Variants in MGAT3 observed in about 807,000 individuals in gnomAD.
MGAT3 encodes the protein beta-1,4-mannosyl-glycoprotein 4-beta-N-acetylglucosaminyltransferase, also known as GlcNAc-T III.
A neutral mutation model predicts 29.8 loss-of-function variants in MGAT3; 9 were observed. That is an observed-to-expected ratio of 0.30 (90% CI 0.18 to 0.53). The LOEUF (loss-of-function observed/expected upper bound fraction) is 0.53. MGAT3 is among the 20% of genes least tolerant of loss of function. The pLI is 0.96. For missense variants in MGAT3, 557 were observed against 769.5 expected, an observed-to-expected ratio of 0.72 and a Z score of 3.27; for synonymous variants, 397 against 348.9, an observed-to-expected ratio of 1.14 and a Z score of -1.54.
At chr22:39,467,794 A>G (rs552278055) in intron 1 of MGAT3, among the ~76,000 whole-genome samples, 2 of 144,910 alleles carry the variant, frequency 1.4e-5, no homozygotes, top group South Asian at 2.2e-4. Flanking sequence ...TGCAATGGCA[A>G]TCTCGGCTCA....
Position 39,482,147 on chromosome 22 carries a change from ATTTTT to A in MGAT3, c.-1-5184_-1-5180del, listed in dbSNP as rs11380222. 7.2e-4 allele frequency among the ~76,000 whole-genome samples: 97 copies of A among 134,072 alleles called. 1 individual carries two copies. The highest frequency in any genetic ancestry group is 6.6e-3 in the South Asian group (28 of 4,236). The allele number at this position is 134,072 out of a possible 152,430, so 88.0% of individuals were successfully genotyped here. On this transcript the variant is annotated intron_variant, in intron 1 of 1. Coordinates refer to ENST00000341184, the MANE Select transcript of MGAT3 (RefSeq NM_002409.5). ...CACTGCTAGAAAGTAGGCACTGCTA[ATTTTT>A]TTTTTTTTTTTTTTTGTAGAGACGG...
In MGAT3 at chr22:39,457,916, G is replaced by C. The variant is rs1481258523; in HGVS notation, c.-2+359G>C. ...CGCGGCACCCCCCAGCCTCCGGCGC[G>C]GCTCCCCCACAACCTCCGGCGCGGC... is the stretch of plus-strand genomic sequence containing the variant. On this transcript the variant is annotated intron_variant, in intron 1 of 1. Transcript: ENST00000341184. The surrounding 1 kb of genome is among the most constrained non-coding windows in gnomAD (Gnocchi z 6.8). Among the ~76,000 whole-genome samples the C allele has an allele frequency of 6.6e-6, 1 of 151,564 alleles. No individual in the cohort carries two copies. The highest frequency in any genetic ancestry group is 1.5e-5 in the Non-Finnish European group (1 of 67,838).
chr22:39,486,554 G>A lies in MGAT3; in HGVS notation c.-1-793G>A, dbSNP rs538131992. ...CTCAGTCTGTTGTCCAGGCTGGGGC[G>A]CAGTGGTGCAATCATGGCTCACTGC... On this transcript the variant is annotated intron_variant, in intron 1 of 1. Coordinates refer to ENST00000341184, the MANE Select transcript of MGAT3 (RefSeq NM_002409.5). Among the ~76,000 whole-genome samples, 623 of 152,252 alleles carry A rather than the reference G, an allele frequency of 4.1e-3. 4 individuals carry two copies. The highest frequency in any genetic ancestry group is 0.014 in the African/African-American group (581 of 41,550).
intron 1 of MGAT3, among the ~76,000 whole-genome samples, chr22:39,467,190 C>CA (rs1928673204): frequency 6.6e-6 from 1 of 152,248 alleles, no homozygotes; most frequent in South Asian, 2.1e-4. Context: ...CGAGTGTTGA[C>CA]AGAGTGCCCA....
intron 1 of MGAT3, among the ~76,000 whole-genome samples, chr22:39,481,196 G>C (rs2145723544): frequency 6.6e-6 from 1 of 152,194 alleles, no homozygotes; most frequent in East Asian, 1.9e-4. Context: ...ACTCCTGCCA[G>C]GGCACTGGTT....
intron 1 of MGAT3, among the ~76,000 whole-genome samples, chr22:39,475,212 G>T (rs1928922896): frequency 6.7e-6 from 1 of 149,446 alleles, no homozygotes; most frequent in South Asian, 2.1e-4. Context: ...AAATTGAAAA[G>T]CTGGGAGCAT....
At position 39,487,947 on chromosome 22, in the gene MGAT3, G is replaced by C; in HGVS notation, c.600G>C (p.Val200=). 2 of 1,610,372 alleles carry C rather than the reference G, an allele frequency of 1.2e-6. No homozygotes were observed. Among genetic ancestry groups the C allele is most frequent in the Non-Finnish European group, 1.7e-6 (2 of 1,179,134 alleles). Residue 200 remains valine (V), a synonymous_variant, in exon 2 of 2, where the codon GTG becomes GTC. Coordinates refer to ENST00000341184, the MANE Select transcript of MGAT3 (RefSeq NM_002409.5). This position sits in a 1 kb window ranked among gnomAD's most constrained non-coding sequence, Gnocchi z 5.7. ...YSNLPTKERL[V]PREVPRRVIN... is the part of the protein sequence containing the mutation. ...ACCTGCCCACCAAGGAGCGGCTGGT[G>C]CCCAGGGAGGTGCCGCGCCGCGTCA... is the stretch of plus-strand genomic sequence containing the variant.
intron 1 of MGAT3, among the ~76,000 whole-genome samples, chr22:39,461,680 T>C (rs1928501147): frequency 6.6e-6 from 1 of 152,094 alleles, no homozygotes; most frequent in Non-Finnish European, 1.5e-5. Context: ...CATGACCCCC[T>C]TCCTCTGTGA....
At chr22:39,482,147 ATTTTTTTT>A (rs11380222) in intron 1 of MGAT3, among the ~76,000 whole-genome samples, 2 of 134,100 alleles carry the variant, frequency 1.5e-5, no homozygotes, top group South Asian at 2.3e-4. Flanking sequence ...GGCACTGCTA[ATTTTTTTT>A]TTTTTTTTTT....
rs1252858869 is a variant in MGAT3 at position 39,490,950 on chromosome 22, G to A, written c.*2001G>A. Reference sequence around the variant, plus strand: ...GGATGCAGGGTCTGTCTGTCTGTCTGTCTTTCAGTCTGAGGAATGAGAATC... The same window carrying A: ...GGATGCAGGGTCTGTCTGTCTGTCTATCTTTCAGTCTGAGGAATGAGAATC... On this transcript the variant is annotated 3_prime_UTR_variant, in exon 2 of 2. Coordinates refer to ENST00000341184, the MANE Select transcript of MGAT3 (RefSeq NM_002409.5). 6.0e-6 allele frequency: 1 copy of A among 167,076 alleles called. No individual in the cohort carries two copies. Among genetic ancestry groups the A allele is most frequent in the Non-Finnish European group, 1.5e-5 (1 of 68,150 alleles). The allele number at this position is 167,076 out of a possible 1,614,324, so 10.3% of individuals were successfully genotyped here.
intron 1 of MGAT3, among the ~76,000 whole-genome samples, chr22:39,477,183 G>C (rs1928989273): frequency 6.6e-6 from 1 of 152,230 alleles, no homozygotes. Flanking sequence ...CAGCCCAAAG[G>C]GATTGGAATG....
intron 1 of MGAT3, among the ~76,000 whole-genome samples, chr22:39,478,778 CCT>C (rs1248541880): frequency 6.6e-6 from 1 of 152,244 alleles, no homozygotes; most frequent in Non-Finnish European, 1.5e-5. Flanking sequence ...CCACCTGAGT[CCT>C]GACTATGAGG....
At chr22:39,483,124 C>T (rs1929174607) in intron 1 of MGAT3, among the ~76,000 whole-genome samples, 3 of 152,198 alleles carry the variant, frequency 2.0e-5, no homozygotes, top group Admixed American at 2.0e-4. Context: ...CAGCCCCAGG[C>T]CATGCCTGCC....
intron 1 of MGAT3, among the ~76,000 whole-genome samples, chr22:39,480,833 A>G (rs117086217): frequency 0.016 from 2,392 of 152,310 alleles, 28 homozygotes; most frequent in Non-Finnish European, 0.025. Context: ...GCCTGGGGCC[A>G]CCCAGTGTGC....
In MGAT3 at chr22:39,479,431, C is replaced by A. The variant is rs952862130; in HGVS notation, c.-1-7916C>A. Among the ~76,000 whole-genome samples the A allele has an allele frequency of 4.1e-4, 63 of 152,116 alleles. 1 individual carries two copies. The highest frequency in any genetic ancestry group is 4.1e-3 in the Admixed American group (63 of 15,280). On this transcript the variant is annotated intron_variant, in intron 1 of 1. Coordinates refer to ENST00000341184, the MANE Select transcript of MGAT3 (RefSeq NM_002409.5). ...AGCGGGGTGGGGGTGGAGCCTCAAG[C>A]CCCCCTTTTCTTGGAGTCTCAGGAG... is the stretch of plus-strand genomic sequence containing the variant.
chr22:39,466,991 G>T (rs376854813), intron 1 of MGAT3, among the ~76,000 whole-genome samples: 1 of 152,186 alleles, frequency 6.6e-6, no homozygotes, highest in Non-Finnish European at 1.5e-5. Flanking sequence ...ATTGTGCGCC[G>T]GTGACTGAGC....
intron 1 of MGAT3, among the ~76,000 whole-genome samples, chr22:39,473,193 G>C (rs1334393553): frequency 1.3e-5 from 2 of 152,192 alleles, no homozygotes; most frequent in African/African-American, 4.8e-5. Flanking sequence ...TTAGTCCTGT[G>C]TGTGCTGCTA....
At chr22:39,481,136 C>T (rs1473651271) in intron 1 of MGAT3, among the ~76,000 whole-genome samples, 1 of 152,238 alleles carries the variant, frequency 6.6e-6, no homozygotes, top group East Asian at 1.9e-4. Flanking sequence ...CCCATGTCCC[C>T]TCACTTGCTC....
chr22:39,473,480 G>A (rs1433715274), intron 1 of MGAT3, among the ~76,000 whole-genome samples: 1 of 152,198 alleles, frequency 6.6e-6, no homozygotes, highest in East Asian at 1.9e-4. Context: ...TCCTCCATGA[G>A]GGTGGAGCCC....
Sources: gnomAD v4.1 joint callset for allele counts (sites outside exome capture counted in the v4.1 genomes callset) on GRCh38, gnomAD v4.1.1 for gene constraint, Gnocchi (gnomAD v3.1) non-coding constraint, MANE v1.5 for transcripts, NCBI Gene and HGNC (gene_info 2026-07-23, HGNC 2026-07-21) for gene names.